Variants in PLCD1 observed in about 807,000 individuals in gnomAD.
PLCD1 encodes the protein phospholipase C delta 1, also known as 1-phosphatidylinositol 4,5-bisphosphate phosphodiesterase delta-1.
A neutral mutation model predicts 87.4 loss-of-function variants in PLCD1; 71 were observed. The ratio of observed to expected loss-of-function variants is 0.81; its 90% CI spans 0.67 to 0.99. The LOEUF (loss-of-function observed/expected upper bound fraction) is 0.99. Ranked by LOEUF, PLCD1 falls within the 50% of genes least tolerant of loss-of-function variation. The probability of loss-of-function intolerance (pLI) is 0.00; values close to 1 mark genes in which losing one functional copy is unlikely to be tolerated. For missense variants in PLCD1, 867 were observed against 1,001.5 expected (o/e 0.87, Z 1.81); for synonymous variants, 348 against 399.2 (o/e 0.87, Z 1.53).
At chr3:38,012,265 C>T (rs1358283395) in intron 3 of PLCD1, among the ~76,000 whole-genome samples, 1 of 151,670 alleles carries the variant, frequency 6.6e-6, no homozygotes, top group African/African-American at 2.4e-5. Flanking sequence ...CTGCTTTGAC[C>T]TCCCAAAGTG....
Position 38,010,005 on chromosome 3 carries a change from C to T in PLCD1, c.1186G>A (p.Glu396Lys), listed in dbSNP as rs771178523. Residue 396 changes from glutamate (E) to lysine (K), a missense_variant, in exon 8 of 15, where the codon GAG becomes AAG. By Grantham distance (56) the Glu-to-Lys change is moderately conservative. Coordinates refer to ENST00000334661, the MANE Select transcript of PLCD1 (RefSeq NM_006225.4). Reference sequence around the variant, plus strand: ...TGCCGCGCCATCACGCGCTGCTGCTCCAGTGTGCAGTGGTTCTCCAGGGAT... The same window carrying T: ...TGCCGCGCCATCACGCGCTGCTGCTTCAGTGTGCAGTGGTTCTCCAGGGAT... ...ILSLENHCTL[E>K]QQRVMARHLH... The T allele has an allele frequency of 1.2e-6, 2 of 1,614,148 alleles. No homozygotes were observed. Among genetic ancestry groups the T allele is most frequent in the South Asian group, 2.2e-5 (2 of 91,084 alleles).
At chr3:38,014,995 T>C (rs1700133993) in intron 3 of PLCD1, among the ~76,000 whole-genome samples, 1 of 152,232 alleles carries the variant, frequency 6.6e-6, no homozygotes, top group African/African-American at 2.4e-5. Flanking sequence ...AACCCTCGTA[T>C]ACTGCTGGTG....
intron 11 of PLCD1, 46 bp from the exon 12 acceptor site, chr3:38,008,682 G>A (rs374594823): frequency 1.6e-4 from 249 of 1,568,838 alleles, no homozygotes; most frequent in Non-Finnish European, 1.9e-4. Flanking sequence ...TGGCCCTGGG[G>A]CCCTAGAGCA....
intron 1 of PLCD1, 150 bp downstream of exon 1, chr3:38,029,356 T>C: frequency 1.5e-6 from 1 of 685,438 alleles, no homozygotes; most frequent in Non-Finnish European, 2.5e-6. Context: ...CGGGCTGAGA[T>C]TTTCCCAGTC....
chr3:38,015,247 C>G (rs1173036567), intron 3 of PLCD1, among the ~76,000 whole-genome samples: 2 of 152,208 alleles, frequency 1.3e-5, no homozygotes, highest in Non-Finnish European at 2.9e-5. Context: ...TAGCATATTA[C>G]TAGACAATTG....
rs1366355909 is a variant in PLCD1 at position 38,007,801 on chromosome 3, A to G, written c.2243T>C (p.Leu748Pro). The change falls in exon 15 of 15, where the codon CTC (leucine) becomes CCC (proline). Residue 748 changes from leucine (L) to proline (P), a missense_variant. Leu to Pro is a moderately conservative substitution (Grantham distance 98). Transcript: ENST00000334661. ...KNGDQHPSAT[L>P]FVKISLQD ...GTCCTGGAGGGAGATCTTCACAAAG[A>G]GGGTGGCTGATGGATGCTGGTCCCC... 1.2e-6 allele frequency: 2 copies of G among 1,614,054 alleles called. No individual in the cohort carries two copies. The highest frequency in any genetic ancestry group is 1.7e-6 in the Non-Finnish European group (2 of 1,180,010).
chr3:38,011,444 T>C lies in PLCD1; in HGVS notation c.560A>G (p.Glu187Gly). Residue 187 changes from glutamate to glycine, a missense_variant and splice_region_variant, in exon 5 of 15, where the codon GAG (glutamate) becomes GGG (glycine). Physicochemically the swap from Glu to Gly is moderately conservative, Grantham distance 98 (BLOSUM62 -2). Coordinates refer to ENST00000334661, the MANE Select transcript of PLCD1 (RefSeq NM_006225.4). ...GGAGTCTGTCTGGGAGTGGTCACAC[T>C]CCTGCAGAGCCAGGACAGCCGAGTG... ...DDSYARKIFR[E>G]CDHSQTDSLE... 6.2e-7 allele frequency: 1 copy of C among 1,613,962 alleles called. No individual in the cohort carries two copies. Among genetic ancestry groups the C allele is most frequent in the Non-Finnish European group, 8.5e-7 (1 of 1,179,836 alleles).
In PLCD1 at chr3:38,011,262, G is replaced by A. The variant is rs756854829; in HGVS notation, c.742C>T (p.Pro248Ser). The change falls in exon 5 of 15, where the codon CCT (proline) becomes TCT (serine). Residue 248 changes from proline to serine, a missense_variant. Physicochemically the swap from Pro to Ser is moderately conservative, Grantham distance 74 (BLOSUM62 -1). Transcript: ENST00000334661. ...TCAATGAGGGAGAGGGCCAGCGCAG[G>A]CCCTGCCGCCTCCTCCCGCTGCTGG... is the stretch of plus-strand genomic sequence containing the variant. ...QHQQREEAAG[P>S]ALALSLIERY... 5.0e-6 allele frequency: 8 copies of A among 1,611,526 alleles called. No individual in the cohort carries two copies. Among genetic ancestry groups the A allele is most frequent in the Non-Finnish European group, 6.8e-6 (8 of 1,179,992 alleles).
At chr3:38,020,907 G>A (rs1170642162) in intron 1 of PLCD1, among the ~76,000 whole-genome samples, 1 of 152,140 alleles carries the variant, frequency 6.6e-6, no homozygotes, top group East Asian at 1.9e-4. Flanking sequence ...CTAGGTTCAG[G>A]TGCCCTTCCC....
rs766195147 is a variant in PLCD1 at position 38,016,578 on chromosome 3, G to C, written c.341C>G (p.Ser114Trp). The C allele has an allele frequency of 4.3e-6, 7 of 1,613,972 alleles. No individual in the cohort carries two copies. The highest frequency in any genetic ancestry group is 5.1e-6 in the Non-Finnish European group (6 of 1,179,872). The part of the protein sequence containing the change: ...QRNTLDLIAP[S>W]PADAQHWVLG... ...CACCCAGTGCTGGGCATCAGCTGGC[G>C]ATGGGGCGATGAGGTCTAGTGTATT... Residue 114 changes from serine to tryptophan, a missense_variant, in exon 3 of 15, where the codon TCG (serine) becomes TGG (tryptophan). Ser to Trp is a radical substitution (Grantham distance 177). Coordinates refer to ENST00000334661, the MANE Select transcript of PLCD1 (RefSeq NM_006225.4).
intron 9 of PLCD1, 99 bp from the exon 10 acceptor site, chr3:38,009,530 G>T: frequency 6.4e-7 from 1 of 1,557,124 alleles, no homozygotes; most frequent in Non-Finnish European, 8.8e-7. Context: ...GAGGGAGACA[G>T]ACAGAGAGAG....
At chr3:38,011,102 G>A in intron 5 of PLCD1, 112 bp downstream of exon 5, 1 of 809,784 alleles carries the variant, frequency 1.2e-6, no homozygotes. Flanking sequence ...GGGGCTGGCT[G>A]AGGCAGCCCC....
At position 38,017,516 on chromosome 3, in the gene PLCD1, T is replaced by G. The variant is rs1473435650; in HGVS notation, c.200-797A>C. On this transcript the variant is annotated intron_variant, in intron 2 of 14. Coordinates refer to ENST00000334661, the MANE Select transcript of PLCD1 (RefSeq NM_006225.4). This position sits in a 1 kb window ranked among gnomAD's most constrained non-coding sequence, Gnocchi z 4.7. Reference sequence around the variant, plus strand: ...GGGAGCCAAGGGGAGGGCCCTCCCCTCACACCCAGCCTTCCAAGCTTCAGG... The same window carrying G: ...GGGAGCCAAGGGGAGGGCCCTCCCCGCACACCCAGCCTTCCAAGCTTCAGG... Among the ~76,000 whole-genome samples, 1 of 152,054 alleles carries G rather than the reference T, an allele frequency of 6.6e-6. No homozygotes were observed. Among genetic ancestry groups the G allele is most frequent in the Non-Finnish European group, 1.5e-5 (1 of 67,980 alleles).
At chr3:38,019,026 C>T (rs1175951804) in intron 2 of PLCD1, 1 of 152,364 alleles carries the variant, frequency 6.6e-6, no homozygotes, top group African/African-American at 2.4e-5. Context: ...GGGTCCTGTC[C>T]AGTGTCCTGA....
chr3:38,021,895 C>G (rs1700239042), intron 1 of PLCD1, among the ~76,000 whole-genome samples: 1 of 152,194 alleles, frequency 6.6e-6, no homozygotes, highest in African/African-American at 2.4e-5. Context: ...CTCCCCCAGC[C>G]AGCCTGTCCC....
chr3:38,009,542 G>A (rs766262017), intron 9 of PLCD1, 111 bp from the exon 10 acceptor site: 49 of 1,550,596 alleles, frequency 3.2e-5, no homozygotes, highest in Admixed American at 2.2e-4. Flanking sequence ...CAGAGAGAGC[G>A]GGGCAGAGGG....
rs1387556128 is a variant in PLCD1 at position 38,012,027 on chromosome 3, T to TTTTC, written c.429-358_429-355dup. ...CCAAAGTATATCCTTCTGGTTTTCC[T>TTTTC]TTTCTTTTTTTTTTTTTTTTGACAA... On this transcript the variant is annotated intron_variant, in intron 3 of 14. Coordinates refer to ENST00000334661, the MANE Select transcript of PLCD1 (RefSeq NM_006225.4). Among the ~76,000 whole-genome samples, 551 of 141,708 alleles carry TTTTC rather than the reference T, an allele frequency of 3.9e-3. 3 individuals carry two copies. The highest frequency in any genetic ancestry group is 0.015 in the African/African-American group (529 of 35,228). 93.0% of individuals were successfully genotyped at this position (141,708 alleles called of 152,430 possible).
intron 1 of PLCD1, chr3:38,024,551 G>A (rs1186474097): frequency 2.0e-6 from 3 of 1,509,392 alleles, no homozygotes; most frequent in Non-Finnish European, 1.8e-6. Context: ...CGCCCTTGGA[G>A]GGGAGCAGGG....
intron 1 of PLCD1, chr3:38,024,208 G>C (rs935274166): frequency 3.8e-6 from 3 of 792,088 alleles, no homozygotes; most frequent in African/African-American, 3.5e-5. Context: ...CACACTCACA[G>C]AAGTACTAAA....
Sources: allele counts gnomAD v4.1 joint callset (sites outside exome capture counted in the v4.1 genomes callset), GRCh38; gene constraint gnomAD v4.1.1; non-coding constraint Gnocchi (gnomAD v3.1); transcripts MANE v1.5; gene names NCBI Gene and HGNC (gene_info 2026-07-23, HGNC 2026-07-21).